Variants in GRK4 observed in about 807,000 individuals in gnomAD.
GRK4 encodes G protein-coupled receptor kinase 2-like.
A neutral mutation model predicts 77.9 loss-of-function variants in GRK4; 73 were observed. The ratio of observed to expected loss-of-function variants is 0.94; its 90% CI spans 0.78 to 1.14. The LOEUF (loss-of-function observed/expected upper bound fraction) is 1.14. GRK4 is among the 50% of genes most tolerant of loss of function. The pLI is 0.00. For synonymous variants in GRK4, 257 were observed against 254.4 expected, an observed-to-expected ratio of 1.01 and a Z score of -0.10; for missense variants, 729 against 700.2, an observed-to-expected ratio of 1.04 and a Z score of -0.46.
At position 2,963,961 on chromosome 4, in the gene GRK4, AGAGGGTG is replaced by A. The variant is rs758538455; in HGVS notation, c.-108_-102del. Reference sequence around the variant, plus strand: ...CCGGGATCGTGTCCGGAGCTCGAGGAGAGGGTGGTGCCCGGCGAGCTATGCACGGGGG... The same window carrying A: ...CCGGGATCGTGTCCGGAGCTCGAGGAGTGCCCGGCGAGCTATGCACGGGGG... On this transcript the variant is annotated 5_prime_UTR_variant, in exon 1 of 16. Coordinates refer to ENST00000398052, the MANE Select transcript of GRK4 (RefSeq NM_182982.3). 1.0e-6 allele frequency: 1 copy of A among 976,912 alleles called. No individual in the cohort carries two copies. Among genetic ancestry groups the A allele is most frequent in the Non-Finnish European group, 1.6e-6 (1 of 630,478 alleles). The allele number at this position is 976,912 out of a possible 1,614,324, so 60.5% of individuals were successfully genotyped here.
At position 2,964,048 on chromosome 4, in the gene GRK4, G is replaced by T. The variant is rs1425090954; in HGVS notation, c.-23G>T. 2.5e-6 allele frequency: 4 copies of T among 1,605,378 alleles called. No individual in the cohort carries two copies. Among genetic ancestry groups the T allele is most frequent in the African/African-American group, 1.3e-5 (1 of 74,752 alleles). On this transcript the variant is annotated 5_prime_UTR_variant, in exon 1 of 16. Coordinates refer to ENST00000398052, the MANE Select transcript of GRK4 (RefSeq NM_182982.3). ...CAGTCTCCTCGGTCTCGCAGAATCC[G>T]CCGGCGGCGGCGGCGCCAGGACATG...
Position 2,964,119 on chromosome 4 carries a change from C to T in GRK4, c.49C>T (p.Gln17Ter). ...VANSLLLKAR[Q>*]GGYGKKSGRS... ...CAACTCGCTGCTGCTGAAAGCGCGTCAAGGTGGGTGCGCGGCAGGCGCCCC... is the reference window on the plus strand; with the variant it reads ...CAACTCGCTGCTGCTGAAAGCGCGTTAAGGTGGGTGCGCGGCAGGCGCCCC... The change falls in exon 1 of 16, where the codon CAA becomes TAA. Residue 17 changes from glutamine (Q) to a stop codon, truncating the protein, a stop_gained. Coordinates refer to ENST00000398052, the MANE Select transcript of GRK4 (RefSeq NM_182982.3). LOFTEE classifies it high-confidence loss of function. The T allele has an allele frequency of 6.2e-7, 1 of 1,602,616 alleles. No homozygotes were observed. The highest frequency in any genetic ancestry group is 1.3e-5 in the African/African-American group (1 of 74,780).
At chr4:3,004,820 C>T (rs140449396) in intron 5 of GRK4, among the ~76,000 whole-genome samples, 2 of 151,876 alleles carry the variant, frequency 1.3e-5, no homozygotes, top group Non-Finnish European at 2.9e-5. Flanking sequence ...GTGGCAGAGG[C>T]GGAAGAAAAT....
At chr4:3,011,712 G>A (rs540478209) in intron 7 of GRK4, among the ~76,000 whole-genome samples, 7 of 152,354 alleles carry the variant, frequency 4.6e-5, no homozygotes, top group South Asian at 2.1e-4. Context: ...GATTCTAATC[G>A]TGCATTTGCT....
At position 3,038,412 on chromosome 4, in the gene GRK4, A is replaced by C. The variant is rs1741445906; in HGVS notation, c.1582A>C (p.Ser528Arg). ...ESGCFKDINKSESEEALPLDL... is the reference protein window; with the variant it reads ...ESGCFKDINKRESEEALPLDL... ...TGGGTGTTTCAAAGACATCAACAAA[A>C]GTGAAAGTGAGGAAGCTTTGCCATT... Residue 528 changes from serine to arginine, a missense_variant, in exon 15 of 16, where the codon AGT becomes CGT. Ser to Arg is a moderately radical substitution (Grantham distance 110). Transcript: ENST00000398052. The C allele has an allele frequency of 6.2e-7, 1 of 1,614,108 alleles. No individual in the cohort carries two copies. The highest frequency in any genetic ancestry group is 8.5e-7 in the Non-Finnish European group (1 of 1,180,032).
chr4:3,018,848 C>T (rs976621490), intron 8 of GRK4, among the ~76,000 whole-genome samples: 8 of 152,148 alleles, frequency 5.3e-5, no homozygotes, highest in Non-Finnish European at 1.2e-4. Context: ...CACTGCACTC[C>T]AGCCTGGGCG....
intron 10 of GRK4, among the ~76,000 whole-genome samples, chr4:3,024,734 T>G (rs1736973191): frequency 6.7e-6 from 1 of 150,252 alleles, no homozygotes; most frequent in African/African-American, 2.5e-5. Context: ...GCAGTGCACC[T>G]CTAATCCCAG....
At chr4:3,009,314 C>T (rs1020124226) in intron 6 of GRK4, among the ~76,000 whole-genome samples, 1 of 149,552 alleles carries the variant, frequency 6.7e-6, no homozygotes, top group Non-Finnish European at 1.5e-5. Context: ...CCCAGCTACT[C>T]GGGAGGCTGA....
At chr4:3,015,417 G>A (rs113959882) in intron 8 of GRK4, among the ~76,000 whole-genome samples, 2,469 of 152,212 alleles carry the variant, frequency 0.016, 59 homozygotes, top group African/African-American at 0.057. Flanking sequence ...CGGGCGCGGT[G>A]GCTCACGCCT....
In GRK4 at chr4:3,019,679, G is replaced by GTGCTCACCATTATGAA. The variant is rs1735532144; in HGVS notation, c.784_785insCACCATTATGAATGCT (p.Leu262SerfsTer4). The GTGCTCACCATTATGAA allele has an allele frequency of 1.9e-6, 3 of 1,613,886 alleles. No individual in the cohort carries two copies. The highest frequency in any genetic ancestry group is 2.5e-6 in the Non-Finnish European group (3 of 1,179,966). ...ACGCTTATGAAACCAAAGATGCCTT[G>GTGCTCACCATTATGAA]TGCTTGGTGCTCACCATTATGAATG... On this transcript the variant is annotated stop_gained and frameshift_variant, in exon 9 of 16. Coordinates refer to ENST00000398052, the MANE Select transcript of GRK4 (RefSeq NM_182982.3). LOFTEE classifies it high-confidence loss of function.
intron 1 of GRK4, chr4:2,970,981 C>T (rs1719401083): frequency 6.6e-6 from 1 of 152,052 alleles, no homozygotes; most frequent in African/African-American, 2.4e-5. Flanking sequence ...AAAGAATGTT[C>T]TTGAGCTTTA....
chr4:3,003,091 C>T (rs1033943869), intron 4 of GRK4, among the ~76,000 whole-genome samples: 2 of 152,300 alleles, frequency 1.3e-5, no homozygotes, highest in East Asian at 1.9e-4. Flanking sequence ...TCTCTCCAAG[C>T]GCCTGGCAAC....
rs778190769 is a variant in GRK4 at position 2,988,798 on chromosome 4, A to G, written c.220A>G (p.Lys74Glu). 10 of 1,612,804 alleles carry G rather than the reference A, an allele frequency of 6.2e-6. No homozygotes were observed. In the East Asian group the frequency reaches 2.2e-4, roughly 36 times the overall value. ...TCTCTTCAGGCAGTTCTGTGATACCAAACCCACTCTAAAGAGGCACATTGA... is the reference window on the plus strand; with the variant it reads ...TCTCTTCAGGCAGTTCTGTGATACCGAACCCACTCTAAAGAGGCACATTGA... Reference protein sequence around the residue: ...RRLFRQFCDTKPTLKRHIEFL... With the variant: ...RRLFRQFCDTEPTLKRHIEFL... The change falls in exon 3 of 16, where the codon AAA becomes GAA. Residue 74 changes from lysine to glutamate, a missense_variant. By Grantham distance (56) the Lys-to-Glu change is moderately conservative. Transcript: ENST00000398052.
At chr4:3,035,349 C>T (rs768520246) in intron 12 of GRK4, 37 bp from the exon 13 acceptor site, 1 of 1,612,008 alleles carries the variant, frequency 6.2e-7, no homozygotes, top group Non-Finnish European at 8.5e-7. Context: ...CATTTTTATC[C>T]AGAGGCTCAA....
chr4:2,992,389 C>A, intron 4 of GRK4, 97 bp downstream of exon 4: 1 of 784,030 alleles, frequency 1.3e-6, no homozygotes, highest in Non-Finnish European at 2.1e-6. Context: ...ATGTTAAAAG[C>A]TTTAATTTGG....
At chr4:2,983,099 G>C (rs1352159641) in intron 1 of GRK4, among the ~76,000 whole-genome samples, 1 of 152,184 alleles carries the variant, frequency 6.6e-6, no homozygotes, top group African/African-American at 2.4e-5. Context: ...CAAAACTAAG[G>C]CTGAGGAAGA....
At chr4:3,005,855 C>T (rs1731170936) in intron 5 of GRK4, among the ~76,000 whole-genome samples, 1 of 152,030 alleles carries the variant, frequency 6.6e-6, no homozygotes, top group African/African-American at 2.4e-5. Context: ...CTCTCTCTAT[C>T]TGGCTTTCTC....
chr4:2,989,729 G>A lies in GRK4; in HGVS notation c.261+890G>A, dbSNP rs186627063. Reference sequence around the variant, plus strand: ...GGGATAAAGTTTGTGTAAGAAGAATGATCACTTTGGATGGAATTTACTATG... The same window carrying A: ...GGGATAAAGTTTGTGTAAGAAGAATAATCACTTTGGATGGAATTTACTATG... On this transcript the variant is annotated intron_variant, in intron 3 of 15. Transcript: ENST00000398052. 1.4e-4 allele frequency among the ~76,000 whole-genome samples: 22 copies of A among 152,342 alleles called. No homozygotes were observed. The East Asian group carries it at 4.0e-3, about 28-fold the overall frequency.
chr4:2,983,907 G>A (rs954490078), intron 1 of GRK4, among the ~76,000 whole-genome samples: 3 of 152,122 alleles, frequency 2.0e-5, no homozygotes, highest in Middle Eastern at 6.3e-3. Flanking sequence ...GAGAGAGAGA[G>A]GGGGAGAGAG....
Sources: gnomAD v4.1 joint callset for allele counts (sites outside exome capture counted in the v4.1 genomes callset) on GRCh38, gnomAD v4.1.1 for gene constraint, MANE v1.5 for transcripts, NCBI Gene and HGNC (gene_info 2026-07-23, HGNC 2026-07-21) for gene names.